TMPRSS11A: variants seen among roughly 807,000 people sequenced by gnomAD.
TMPRSS11A encodes transmembrane serine protease 11A, also known as transmembrane protease serine 11A.
In TMPRSS11A, 53 loss-of-function variants were observed where a neutral mutation model predicts 58.9. The observed-to-expected ratio is 0.90, with a 90% CI of 0.72 to 1.13. The LOEUF is 1.13. Among genes scored for constraint, TMPRSS11A ranks in the 50% most tolerant of loss-of-function variants. The pLI is 0.00. For synonymous variants in TMPRSS11A, 167 were observed against 169.8 expected, an observed-to-expected ratio of 0.98 and a Z score of 0.13; for missense variants, 493 against 499.3, an observed-to-expected ratio of 0.99 and a Z score of 0.12.
In TMPRSS11A at chr4:67,946,577, A is replaced by G; in HGVS notation, c.12-6T>C. ...GGGTGCCAAATCCCACTGTCCTGAG[A>G]AAAGGAAGGGCCCACTGGTTACTCT... is the stretch of plus-strand genomic sequence containing the variant. On this transcript the variant is annotated splice_polypyrimidine_tract_variant and splice_region_variant and intron_variant, in intron 1 of 9. Coordinates refer to ENST00000508048, the MANE Select transcript of TMPRSS11A (RefSeq NM_001114387.2). The G allele has an allele frequency of 2.5e-6, 4 of 1,607,508 alleles. No homozygotes were observed. Among genetic ancestry groups the G allele is most frequent in the Non-Finnish European group, 2.5e-6 (3 of 1,177,202 alleles).
chr4:67,937,781 TCA>T, intron 3 of TMPRSS11A, among the ~76,000 whole-genome samples: 1 of 152,230 alleles, frequency 6.6e-6, no homozygotes, highest in East Asian at 1.9e-4. Context: ...CATATATATC[TCA>T]CAGTTTCTTT....
At chr4:67,957,971 G>A (rs1721327343) in intron 1 of TMPRSS11A, among the ~76,000 whole-genome samples, 1 of 152,178 alleles carries the variant, frequency 6.6e-6, no homozygotes, top group South Asian at 2.1e-4. Context: ...GAAGATGCAA[G>A]CCCCAAGCCT....
chr4:67,913,599 G>C (rs979181328), intron 9 of TMPRSS11A, among the ~76,000 whole-genome samples: 1 of 152,140 alleles, frequency 6.6e-6, no homozygotes, highest in Non-Finnish European at 1.5e-5. Context: ...GGTCCTGTCT[G>C]CTCCAAGACT....
intron 5 of TMPRSS11A, among the ~76,000 whole-genome samples, chr4:67,924,851 G>A (rs961132420): frequency 6.6e-6 from 1 of 152,162 alleles, no homozygotes; most frequent in African/African-American, 2.4e-5. Context: ...TTCGAGATGA[G>A]ATTTGGGTGG....
chr4:67,927,372 G>A (rs1350160788), intron 5 of TMPRSS11A, among the ~76,000 whole-genome samples: 1 of 152,204 alleles, frequency 6.6e-6, no homozygotes, highest in Non-Finnish European at 1.5e-5. Context: ...ATTCCCAGGT[G>A]CCTGCCAGGG....
At chr4:67,934,725 G>A (rs1422630013) in intron 3 of TMPRSS11A, among the ~76,000 whole-genome samples, 1 of 152,126 alleles carries the variant, frequency 6.6e-6, no homozygotes, top group Non-Finnish European at 1.5e-5. Flanking sequence ...GAAAGAGTGA[G>A]GGAGAGGCTG....
At chr4:67,921,047 G>A (rs1055319705) in intron 7 of TMPRSS11A, among the ~76,000 whole-genome samples, 2 of 152,118 alleles carry the variant, frequency 1.3e-5, no homozygotes, top group Non-Finnish European at 2.9e-5. Flanking sequence ...AAGAATAGCT[G>A]TTATATGAAT....
At chr4:67,954,241 G>A (rs989288596) in intron 1 of TMPRSS11A, among the ~76,000 whole-genome samples, 5 of 152,238 alleles carry the variant, frequency 3.3e-5, no homozygotes, top group African/African-American at 7.2e-5. Flanking sequence ...TAACTCAGGA[G>A]ATTGAGGCTG....
intron 7 of TMPRSS11A, among the ~76,000 whole-genome samples, 170 bp from the exon 8 acceptor site, chr4:67,919,402 T>C (rs1354003301): frequency 6.6e-6 from 1 of 152,244 alleles, no homozygotes; most frequent in African/African-American, 2.4e-5. Flanking sequence ...TTTTGAAAGA[T>C]AAAATCATAT....
chr4:67,944,579 G>C lies in TMPRSS11A; in HGVS notation c.192C>G (p.Asn64Lys), dbSNP rs754350649. ...GATATGTGTTGCTTTGTCCGAAATT[G>C]TTATTGATTTGTGGATCTAAAATTT... ...SFKILDPQIN[N>K]NFGQSNTYQL... is the part of the protein sequence containing the mutation. Residue 64 changes from asparagine to lysine, a missense_variant, in exon 3 of 10, where the codon AAC becomes AAG. By Grantham distance (94) the Asn-to-Lys change is moderately conservative (BLOSUM62 0). Transcript: ENST00000508048. The C allele has an allele frequency of 1.2e-5, 19 of 1,612,724 alleles. No individual in the cohort carries two copies. Among genetic ancestry groups the C allele is most frequent in the Non-Finnish European group, 1.6e-5 (19 of 1,179,054 alleles).
At position 67,946,388 on chromosome 4, in the gene TMPRSS11A, A is replaced by G. The variant is rs557467671; in HGVS notation, c.133+62T>C. On this transcript the variant is annotated intron_variant, in intron 2 of 9. Coordinates refer to ENST00000508048, the MANE Select transcript of TMPRSS11A (RefSeq NM_001114387.2). Reference sequence around the variant, plus strand: ...TTTAGATGAAGTTACATTTACATATATGTAAATGGAGCTTTGCAGAAAAAT... The same window carrying G: ...TTTAGATGAAGTTACATTTACATATGTGTAAATGGAGCTTTGCAGAAAAAT... 9.9e-6 allele frequency: 15 copies of G among 1,510,580 alleles called. No individual in the cohort carries two copies. In the African/African-American group the frequency reaches 1.7e-4, roughly 17 times the overall value. The allele number at this position is 1,510,580 out of a possible 1,614,324, so 93.6% of individuals were successfully genotyped here.
intron 1 of TMPRSS11A, among the ~76,000 whole-genome samples, chr4:67,957,579 G>C (rs530921677): frequency 6.6e-6 from 1 of 152,272 alleles, no homozygotes; most frequent in Non-Finnish European, 1.5e-5. Flanking sequence ...CATCCAAAAG[G>C]TTACTTGGGT....
intron 1 of TMPRSS11A, among the ~76,000 whole-genome samples, chr4:67,948,666 C>A (rs921823520): frequency 6.6e-6 from 1 of 152,184 alleles, no homozygotes; most frequent in African/African-American, 2.4e-5. Flanking sequence ...TGCGGAAAGG[C>A]AGCAGGTCCT....
intron 4 of TMPRSS11A, among the ~76,000 whole-genome samples, chr4:67,931,707 C>A (rs1358159849): frequency 6.6e-6 from 1 of 152,144 alleles, no homozygotes; most frequent in African/African-American, 2.4e-5. Flanking sequence ...CTGGTAGGTT[C>A]CAGGCCTCAC....
intron 1 of TMPRSS11A, among the ~76,000 whole-genome samples, chr4:67,962,259 A>G (rs910645099): frequency 4.6e-5 from 7 of 152,106 alleles, no homozygotes; most frequent in Middle Eastern, 6.3e-3. Flanking sequence ...GTCAATTACT[A>G]TGTGATTACT....
At chr4:67,949,462 T>C (rs1577870135) in intron 1 of TMPRSS11A, among the ~76,000 whole-genome samples, 1 of 152,218 alleles carries the variant, frequency 6.6e-6, no homozygotes, top group African/African-American at 2.4e-5. Context: ...TTACAAAAGC[T>C]ACAGAAGCCA....
At position 67,929,966 on chromosome 4, in the gene TMPRSS11A, C is replaced by T. The variant is rs1577858635; in HGVS notation, c.395G>A (p.Arg132Lys). 11 of 1,613,886 alleles carry T rather than the reference C, an allele frequency of 6.8e-6. No homozygotes were observed. The highest frequency in any genetic ancestry group is 1.3e-5 in the African/African-American group (1 of 75,060). The change falls in exon 5 of 10, where the codon AGA (arginine) becomes AAA (lysine). Residue 132 changes from arginine (R) to lysine (K), a missense_variant. Arg to Lys is a conservative substitution (Grantham distance 26). Transcript: ENST00000508048. ...QFPSTEQRAVREKKIQSILNQ... is the reference protein window; with the variant it reads ...QFPSTEQRAVKEKKIQSILNQ... ...TAAGATGCTTTGGATTTTCTTCTCT[C>T]TTACTGCCCTTTGTTCAGTAGAGGG...
chr4:67,958,298 C>G (rs1330548661), intron 1 of TMPRSS11A, among the ~76,000 whole-genome samples: 1 of 152,234 alleles, frequency 6.6e-6, no homozygotes, highest in East Asian at 1.9e-4. Flanking sequence ...GCCATAGACA[C>G]TCAATGCCAG....
Position 67,946,380 on chromosome 4 carries a change from T to G in TMPRSS11A, c.133+70A>C, listed in dbSNP as rs1031882991. 18 of 1,475,628 alleles carry G rather than the reference T, an allele frequency of 1.2e-5. No homozygotes were observed. In the Admixed American group the frequency reaches 4.0e-4, roughly 33 times the overall value. 91.4% of individuals were successfully genotyped at this position (1,475,628 alleles called of 1,614,324 possible). A position where few individuals can be genotyped will look rare whatever the true frequency, so the allele number is the denominator to read the frequency against. On this transcript the variant is annotated intron_variant, in intron 2 of 9. Coordinates refer to ENST00000508048, the MANE Select transcript of TMPRSS11A (RefSeq NM_001114387.2). ...TGCAATTTTTTAGATGAAGTTACAT[T>G]TACATATATGTAAATGGAGCTTTGC...
Sources: gnomAD v4.1 joint callset for allele counts (sites outside exome capture counted in the v4.1 genomes callset) on GRCh38, gnomAD v4.1.1 for gene constraint, MANE v1.5 for transcripts, NCBI Gene and HGNC (gene_info 2026-07-23, HGNC 2026-07-21) for gene names.